The following TRIP10 variants were observed in gnomAD, a reference collection of about 807,000 sequenced individuals.
TRIP10 encodes the protein cdc42-interacting protein 4.
TRIP10 carries 54 observed loss-of-function variants against 80.9 expected under a neutral mutation model. The ratio of observed to expected loss-of-function variants is 0.67; its 90% CI spans 0.54 to 0.84. The LOEUF (loss-of-function observed/expected upper bound fraction) is 0.84. Ranked by LOEUF, TRIP10 falls within the 40% of genes least tolerant of loss-of-function variation. The probability of loss-of-function intolerance (pLI) is 0.00; values close to 1 mark genes in which losing one functional copy is unlikely to be tolerated. For missense variants in TRIP10, 773 were observed against 815.3 expected (o/e 0.95, Z 0.63); for synonymous variants, 321 against 307.2 (o/e 1.04, Z -0.47).
At position 6,744,773 on chromosome 19, in the gene TRIP10, T is replaced by C. The variant is rs750765695; in HGVS notation, c.790-27T>C. ...GGTACCCATAGGCTAGGCACTCGAC[T>C]GCTCATCCACTGTCCCCCTCCCCCA... On this transcript the variant is annotated intron_variant, in intron 8 of 14. Coordinates refer to ENST00000313244, the MANE Select transcript of TRIP10 (RefSeq NM_001288962.2). The surrounding 1 kb of genome is among the most constrained non-coding windows in gnomAD (Gnocchi z 4.9). 1.2e-6 allele frequency: 2 copies of C among 1,603,786 alleles called. No homozygotes were observed. Among genetic ancestry groups the C allele is most frequent in the African/African-American group, 1.3e-5 (1 of 74,850 alleles).
At chr19:6,750,135 G>A in intron 12 of TRIP10, 69 bp downstream of exon 12, 2 of 1,552,120 alleles carry the variant, frequency 1.3e-6, no homozygotes, top group East Asian at 2.3e-5. Flanking sequence ...GTGGGGTGGG[G>A]GGTCGGGGAC....
In TRIP10 at chr19:6,745,906, C is replaced by CT. The variant is rs1166738775; in HGVS notation, c.985-116dup. The CT allele has an allele frequency of 8.2e-4, 1,027 of 1,258,170 alleles. 7 individuals are homozygous for CT. The highest frequency in any genetic ancestry group is 1.7e-3 in the East Asian group (54 of 32,144). The allele number at this position is 1,258,170 out of a possible 1,614,324, so 77.9% of individuals were successfully genotyped here. A position where few individuals can be genotyped will look rare whatever the true frequency, so the allele number is the denominator to read the frequency against. ...TTCTCCATTTTGTTTTTCCTTTTTCCTTTTTTTGCGTCCATCCGTCCATCC... is the reference window on the plus strand; with the variant it reads ...TTCTCCATTTTGTTTTTCCTTTTTCCTTTTTTTTGCGTCCATCCGTCCATCC... On this transcript the variant is annotated intron_variant, in intron 9 of 14. Coordinates refer to ENST00000313244, the MANE Select transcript of TRIP10 (RefSeq NM_001288962.2). The surrounding 1 kb of genome is among the most constrained non-coding windows in gnomAD (Gnocchi z 7.2).
chr19:6,746,290 GC>G lies in TRIP10; in HGVS notation c.1152+98del. ...GGGCTCGCTTCCTGCCGCTGGCTGGGCCCCTCTTCCCTGGTTGCCCAACCCA... is the reference window on the plus strand; with the variant it reads ...GGGCTCGCTTCCTGCCGCTGGCTGGGCCCTCTTCCCTGGTTGCCCAACCCA... On this transcript the variant is annotated intron_variant, in intron 10 of 14. Transcript: ENST00000313244. This position sits in a 1 kb window ranked among gnomAD's most constrained non-coding sequence, Gnocchi z 6.2. 1 of 1,485,648 alleles carries G rather than the reference GC, an allele frequency of 6.7e-7. No homozygotes were observed. The highest frequency in any genetic ancestry group is 1.3e-5 in the South Asian group (1 of 74,188). 92.0% of individuals were successfully genotyped at this position (1,485,648 alleles called of 1,614,324 possible).
chr19:6,750,516 G>A lies in TRIP10; in HGVS notation c.1540G>A (p.Glu514Lys). 2 of 1,614,144 alleles carry A rather than the reference G, an allele frequency of 1.2e-6. No individual in the cohort carries two copies. Among genetic ancestry groups the A allele is most frequent in the Non-Finnish European group, 1.7e-6 (2 of 1,180,004 alleles). ...TGCCGAATTATCCCCAAACAGCTCTGAAGAGCCTCCCTCAGAAGAGAGCCA... is the reference window on the plus strand; with the variant it reads ...TGCCGAATTATCCCCAAACAGCTCTAAAGAGCCTCCCTCAGAAGAGAGCCA... ...SASQDTKESS[E>K]EPPSEESQDT... Residue 514 changes from glutamate to lysine, a missense_variant, in exon 14 of 15, where the codon GAA becomes AAA. Glu to Lys is a moderately conservative substitution (Grantham distance 56). Coordinates refer to ENST00000313244, the MANE Select transcript of TRIP10 (RefSeq NM_001288962.2).
In TRIP10 at chr19:6,749,943, A is replaced by G. The variant is rs1969231657; in HGVS notation, c.1272A>G (p.Leu424=). The change falls in exon 12 of 15, where the codon CTA becomes CTG. Residue 424 remains leucine, a synonymous_variant. Coordinates refer to ENST00000313244, the MANE Select transcript of TRIP10 (RefSeq NM_001288962.2). ...LQKEVDQREA[L]KKMKDVYEKT... ...GTCTCCCTTGTCATAGGGAAGCCCT[A>G]AAGAAAATGAAGGATGTCTATGAGA... is the stretch of plus-strand genomic sequence containing the variant. 1.9e-6 allele frequency: 3 copies of G among 1,613,818 alleles called. No homozygotes were observed. The highest frequency in any genetic ancestry group is 2.5e-6 in the Non-Finnish European group (3 of 1,179,952).
chr19:6,750,321 C>T lies in TRIP10; in HGVS notation c.1425C>T (p.Val475=). 1.9e-6 allele frequency: 3 copies of T among 1,614,086 alleles called. No individual in the cohort carries two copies. Among genetic ancestry groups the T allele is most frequent in the Non-Finnish European group, 2.5e-6 (3 of 1,179,996 alleles). Residue 475 remains valine (V), a synonymous_variant, in exon 13 of 15, where the codon GTC becomes GTT. Coordinates refer to ENST00000313244, the MANE Select transcript of TRIP10 (RefSeq NM_001288962.2). The part of the protein sequence containing the change: ...EAWLAEAESR[V]LSNRGDSLSR... ...GGCTGGCAGAAGCTGAAAGTCGAGTCCTTAGCAACCGGGGAGACAGCCTGA... is the reference window on the plus strand; with the variant it reads ...GGCTGGCAGAAGCTGAAAGTCGAGTTCTTAGCAACCGGGGAGACAGCCTGA...
At position 6,745,043 on chromosome 19, in the gene TRIP10, G is replaced by A. The variant is rs774738438; in HGVS notation, c.984+49G>A. The A allele has an allele frequency of 4.1e-5, 65 of 1,579,518 alleles. No homozygotes were observed. Among genetic ancestry groups the A allele is most frequent in the Admixed American group, 5.3e-5 (3 of 56,860 alleles). Reference sequence around the variant, plus strand: ...GGTGGGGGAGAAGGACAGTGAAGTGGGGACAGTGGGGCCCCTATTGAGTCA... The same window carrying A: ...GGTGGGGGAGAAGGACAGTGAAGTGAGGACAGTGGGGCCCCTATTGAGTCA... On this transcript the variant is annotated intron_variant, in intron 9 of 14. Coordinates refer to ENST00000313244, the MANE Select transcript of TRIP10 (RefSeq NM_001288962.2). The surrounding 1 kb of genome is among the most constrained non-coding windows in gnomAD (Gnocchi z 7.2).
At chr19:6,740,140 C>A (rs1729825490) in intron 1 of TRIP10, among the ~76,000 whole-genome samples, 1 of 152,214 alleles carries the variant, frequency 6.6e-6, no homozygotes, top group Non-Finnish European at 1.5e-5. Context: ...CCGTCGTCCG[C>A]CTGTCCGGCT....
chr19:6,740,946 T>A, intron 1 of TRIP10, 64 bp from the exon 2 acceptor site: 1 of 1,447,436 alleles, frequency 6.9e-7, no homozygotes, highest in Non-Finnish European at 9.6e-7. Flanking sequence ...GTCGGCGGGC[T>A]GTGGGGTCCC....
chr19:6,741,420 G>C, intron 3 of TRIP10, 139 bp downstream of exon 3: 2 of 1,009,308 alleles, frequency 2.0e-6, no homozygotes, highest in Non-Finnish European at 3.0e-6. Flanking sequence ...TGCAAGATGC[G>C]GGATTATCTG....
chr19:6,750,707 TAA>T, intron 14 of TRIP10, 74 bp downstream of exon 14: 1 of 1,584,654 alleles, frequency 6.3e-7, no homozygotes, highest in Non-Finnish European at 8.6e-7. Context: ...TAAATTCGCC[TAA>T]AGCAGGGCTG....
chr19:6,746,047 T>G lies in TRIP10; in HGVS notation c.1003T>G (p.Ser335Ala). The change falls in exon 10 of 15, where the codon TCC becomes GCC. Residue 335 changes from serine to alanine, a missense_variant. By Grantham distance (99) the Ser-to-Ala change is moderately conservative. Transcript: ENST00000313244. The surrounding 1 kb of genome is among the most constrained non-coding windows in gnomAD (Gnocchi z 6.2). The stretch of plus-strand genomic sequence containing the variant: ...CCGGTAGCCTCGCCCCCCACCCCTC[T>G]CCCCCCTGGGGGGCCCCGTACCCTC... ...KKNKPRPPPL[S>A]PLGGPVPSAL... 7 of 413,884 alleles carry G rather than the reference T, an allele frequency of 1.7e-5. No homozygotes were observed. Among genetic ancestry groups the G allele is most frequent in the Admixed American group, 2.3e-4 (1 of 4,272 alleles). 25.6% of individuals were successfully genotyped at this position (413,884 alleles called of 1,614,324 possible). A position where few individuals can be genotyped will look rare whatever the true frequency, so the allele number is the denominator to read the frequency against.
rs1031162514 is a variant in TRIP10, at chr19:6,745,308, C to G, written c.984+314C>G. 8.9e-5 allele frequency: 34 copies of G among 380,398 alleles called. No homozygotes were observed. The East Asian group carries it at 1.8e-3, about 20-fold the overall frequency. 23.6% of individuals were successfully genotyped at this position (380,398 alleles called of 1,614,324 possible). On this transcript the variant is annotated intron_variant, in intron 9 of 14. Coordinates refer to ENST00000313244, the MANE Select transcript of TRIP10 (RefSeq NM_001288962.2). The surrounding 1 kb of genome is among the most constrained non-coding windows in gnomAD (Gnocchi z 7.2). ...CTGGTGACACCATCCCTGGGGACTC[C>G]CCGAGTTTCTCTCTCCATCCTGCTG... is the stretch of plus-strand genomic sequence containing the variant.
Position 6,743,009 on chromosome 19 carries a change from G to C in TRIP10, c.240G>C (p.Val80=), listed in dbSNP as rs760716635. The C allele has an allele frequency of 1.2e-6, 2 of 1,614,164 alleles. No individual in the cohort carries two copies. Among genetic ancestry groups the C allele is most frequent in the Non-Finnish European group, 1.7e-6 (2 of 1,180,028 alleles). ...CCTTCGTACAGATTCTCCAGGAGGT[G>C]AATGACTTTGCAGGCCAGCGGGAGC... The part of the protein sequence containing the change: ...QQSFVQILQE[V]NDFAGQRELV... Residue 80 remains valine, a synonymous_variant, in exon 4 of 15, where the codon GTG becomes GTC. Transcript: ENST00000313244.
Position 6,744,302 on chromosome 19 carries a change from G to A in TRIP10, c.643-252G>A, listed in dbSNP as rs186274751. On this transcript the variant is annotated intron_variant, in intron 7 of 14. Transcript: ENST00000313244. The surrounding 1 kb of genome is among the most constrained non-coding windows in gnomAD (Gnocchi z 4.9). ...GGTTCTGCTTTTTCTTCAAATCCCT[G>A]TTCCCTTGTCTCCTCCTTTGAGAAG... 4.5e-3 allele frequency among the ~76,000 whole-genome samples: 684 copies of A among 152,204 alleles called. 6 individuals carry two copies. The highest frequency in any genetic ancestry group is 5.7e-3 in the Non-Finnish European group (387 of 68,008).
intron 3 of TRIP10, 34 bp downstream of exon 3, chr19:6,741,315 G>A (rs774468055): frequency 5.0e-6 from 8 of 1,585,178 alleles, no homozygotes; most frequent in Non-Finnish European, 6.9e-6. Flanking sequence ...GGCTAGATTT[G>A]TGGGGAAAGG....
Position 6,739,758 on chromosome 19 carries a change from C to A in TRIP10, c.-4C>A, listed in dbSNP as rs1050806695. The A allele has an allele frequency of 6.3e-6, 9 of 1,425,430 alleles. No homozygotes were observed. Among genetic ancestry groups the A allele is most frequent in the Non-Finnish European group, 8.3e-6 (9 of 1,082,710 alleles). 88.3% of individuals were successfully genotyped at this position (1,425,430 alleles called of 1,614,324 possible). On this transcript the variant is annotated 5_prime_UTR_variant, in exon 1 of 15. Coordinates refer to ENST00000313244, the MANE Select transcript of TRIP10 (RefSeq NM_001288962.2). ...GTGGCTGCGGCGGCGGCGGCGGGAGCAGCATGGATTGGGGCACTGAGCTGT... is the reference window on the plus strand; with the variant it reads ...GTGGCTGCGGCGGCGGCGGCGGGAGAAGCATGGATTGGGGCACTGAGCTGT...
chr19:6,742,981 A>T lies in TRIP10; in HGVS notation c.212A>T (p.Gln71Leu). The T allele has an allele frequency of 6.2e-7, 1 of 1,614,080 alleles. No individual in the cohort carries two copies. Among genetic ancestry groups the T allele is most frequent in the Non-Finnish European group, 8.5e-7 (1 of 1,180,024 alleles). ...TCCAACCCCAGATTCAGCCAGCAAC[A>T]GTCCTTCGTACAGATTCTCCAGGAG... is the stretch of plus-strand genomic sequence containing the variant. ...DDPESKFSQQQSFVQILQEVN... is the reference protein window; with the variant it reads ...DDPESKFSQQLSFVQILQEVN... Residue 71 changes from glutamine (Q) to leucine (L), a missense_variant, in exon 4 of 15, where the codon CAG becomes CTG. Transcript: ENST00000313244.
Position 6,741,045 on chromosome 19 carries a change from G to A in TRIP10, c.60G>A (p.Trp20Ter). The change falls in exon 2 of 15, where the codon TGG (tryptophan) becomes TGA (stop). Residue 20 changes from tryptophan (W) to a stop codon, truncating the protein, a stop_gained. Coordinates refer to ENST00000313244, the MANE Select transcript of TRIP10 (RefSeq NM_001288962.2). LOFTEE classifies it high-confidence loss of function. ...AGGTGCTCGAGCGCCACACGCAGTG[G>A]GGGCTGGACCTGTTGGACAGATATG... Reference protein sequence around the residue: ...QFEVLERHTQWGLDLLDRYVK... With the variant: ...QFEVLERHTQ 6.2e-7 allele frequency: 1 copy of A among 1,613,952 alleles called. No homozygotes were observed. Among genetic ancestry groups the A allele is most frequent in the Non-Finnish European group, 8.5e-7 (1 of 1,179,882 alleles).
Sources: gnomAD v4.1 joint callset for allele counts (sites outside exome capture counted in the v4.1 genomes callset) on GRCh38, gnomAD v4.1.1 for gene constraint, Gnocchi (gnomAD v3.1) non-coding constraint, MANE v1.5 for transcripts, NCBI Gene and HGNC (gene_info 2026-07-23, HGNC 2026-07-21) for gene names.